The following EDRF1 variants were observed in gnomAD, a reference collection of about 807,000 sequenced individuals.
The protein encoded by EDRF1 is erythroid differentiation-related factor 1.
In EDRF1, 69 loss-of-function variants were observed where a neutral mutation model predicts 148.7. The observed-to-expected ratio is 0.46, with a 90% CI of 0.38 to 0.57. The LOEUF (loss-of-function observed/expected upper bound fraction) is 0.57, where lower values mean the gene tolerates loss of function less well. Among genes scored for constraint, EDRF1 ranks in the 20% least tolerant of loss-of-function variants. The probability of loss-of-function intolerance (pLI) is 0.00; values close to 1 mark genes in which losing one functional copy is unlikely to be tolerated. For synonymous variants in EDRF1, 515 were observed against 532.8 expected, an observed-to-expected ratio of 0.97 and a Z score of 0.46; for missense variants, 1,118 against 1,478.7, an observed-to-expected ratio of 0.76 and a Z score of 4.00.
chr10:125,723,240 A>G lies in EDRF1; in HGVS notation c.384+106A>G. On this transcript the variant is annotated intron_variant, in intron 3 of 24. Transcript: ENST00000356792. Reference sequence around the variant, plus strand: ...ATAAATGTGCAAGTCTTGAGAAATTAGTGATGAAATAAGATAAAACTTACC... The same window carrying G: ...ATAAATGTGCAAGTCTTGAGAAATTGGTGATGAAATAAGATAAAACTTACC... 38 of 1,011,152 alleles carry G rather than the reference A, an allele frequency of 3.8e-5. 1 individual carries two copies. The South Asian group carries it at 4.5e-4, about 12-fold the overall frequency. 62.6% of individuals were successfully genotyped at this position (1,011,152 alleles called of 1,614,324 possible).
rs747724490 is a variant in EDRF1 at position 125,749,510 on chromosome 10, C to T, written c.3222C>T (p.Cys1074=). 82 of 1,614,014 alleles carry T rather than the reference C, an allele frequency of 5.1e-5. No homozygotes were observed. Among genetic ancestry groups the T allele is most frequent in the East Asian group, 3.8e-4 (17 of 44,892 alleles). ...KLFQLLKDAP[C]ELLRVQLERV... is the part of the protein sequence containing the mutation. ...TTCAGCTGCTGAAAGATGCTCCCTG[C>T]GAACTGCTTAGAGTACAGCTAGAGA... is the stretch of plus-strand genomic sequence containing the variant. Residue 1074 remains cysteine, a synonymous_variant, in exon 22 of 25, where the codon TGC becomes TGT. Transcript: ENST00000356792.
Position 125,762,273 on chromosome 10 carries a change from T to C in EDRF1, c.3546-1028T>C, listed in dbSNP as rs1385787318. On this transcript the variant is annotated intron_variant, in intron 24 of 24. Transcript: ENST00000356792. Reference sequence around the variant, plus strand: ...TGAAGAGGTGAAAGAGCATAGCATTTGAAATTGGAAAACATGACATTTTGA... The same window carrying C: ...TGAAGAGGTGAAAGAGCATAGCATTCGAAATTGGAAAACATGACATTTTGA... Among the ~76,000 whole-genome samples the C allele has an allele frequency of 3.3e-5, 5 of 152,276 alleles. No individual in the cohort carries two copies. In the Middle Eastern group the frequency reaches 0.01, roughly 311 times the overall value.
intron 22 of EDRF1, chr10:125,750,316 C>G (rs1378576240): frequency 1.3e-5 from 2 of 152,216 alleles, no homozygotes; most frequent in Non-Finnish European, 2.9e-5. Flanking sequence ...CAAGATAAGT[C>G]GGGAGATAGA....
intron 19 of EDRF1, 150 bp downstream of exon 19, chr10:125,746,080 C>T (rs1234361472): frequency 4.2e-6 from 3 of 720,718 alleles, no homozygotes; most frequent in African/African-American, 1.8e-5. Context: ...CACTTGCAAC[C>T]TGGCCTAAGA....
intron 1 of EDRF1, among the ~76,000 whole-genome samples, chr10:125,720,332 A>T (rs536836310): frequency 1.3e-5 from 2 of 152,240 alleles, no homozygotes; most frequent in South Asian, 4.1e-4. Context: ...TTGCTTTGGG[A>T]GTGTGCAAGT....
In EDRF1 at chr10:125,723,152, C is replaced by A; in HGVS notation, c.384+18C>A. On this transcript the variant is annotated intron_variant, in intron 3 of 24. Coordinates refer to ENST00000356792, the MANE Select transcript of EDRF1 (RefSeq NM_001202438.2). ...ACTCTGAAGTAAGTGTTATTTGTCG[C>A]TTAATGTAATTTTGGAGGTGTTTTG... 6.2e-7 allele frequency: 1 copy of A among 1,610,476 alleles called. No individual in the cohort carries two copies.
intron 23 of EDRF1, among the ~76,000 whole-genome samples, chr10:125,753,178 T>C (rs572687583): frequency 6.6e-6 from 1 of 152,370 alleles, no homozygotes; most frequent in African/African-American, 2.4e-5. Context: ...TCTTAAGTTT[T>C]TTTGTTGCTG....
intron 24 of EDRF1, among the ~76,000 whole-genome samples, chr10:125,759,638 GA>G (rs542106170): frequency 1.7e-4 from 26 of 150,960 alleles, no homozygotes; most frequent in African/African-American, 6.3e-4. Context: ...TTAAAAAAAA[GA>G]AAAAAAATGG....
At chr10:125,725,601 T>A in intron 5 of EDRF1, 81 bp from the exon 6 acceptor site, 1 of 1,589,102 alleles carries the variant, frequency 6.3e-7, no homozygotes, top group Non-Finnish European at 8.6e-7. Flanking sequence ...AATTACAGAT[T>A]GTAGTTTTTA....
intron 9 of EDRF1, among the ~76,000 whole-genome samples, chr10:125,732,135 G>T (rs1167884147): frequency 2.6e-5 from 4 of 152,160 alleles, no homozygotes; most frequent in African/African-American, 7.2e-5. Context: ...TGTCTTTTCT[G>T]AAAGTCTGCT....
At position 125,729,018 on chromosome 10, in the gene EDRF1, G is replaced by A; in HGVS notation, c.808G>A (p.Glu270Lys). 2 of 1,581,424 alleles carry A rather than the reference G, an allele frequency of 1.3e-6. No individual in the cohort carries two copies. The highest frequency in any genetic ancestry group is 1.3e-5 in the African/African-American group (1 of 74,756). ...CTTTTCACAGGGAAGTGAGCCTCTT[G>A]AACCCTCATACATAGTGGGGCATGT... The part of the protein sequence containing the change: ...SASSQGSEPL[E>K]PSYIVGHVAS... The change falls in exon 7 of 25, where the codon GAA (glutamate) becomes AAA (lysine). Residue 270 changes from glutamate to lysine, a missense_variant. Glu to Lys is a moderately conservative substitution (Grantham distance 56). Around this residue, in one of 3 missense-constraint regions of EDRF1, gnomAD observed 954 missense variants for 1,241.4 expected, o/e 0.77. Transcript: ENST00000356792.
intron 4 of EDRF1, among the ~76,000 whole-genome samples, chr10:125,724,429 G>A (rs1262853387): frequency 6.6e-6 from 1 of 152,142 alleles, no homozygotes; most frequent in African/African-American, 2.4e-5. Flanking sequence ...TGTATTTGCA[G>A]TGTTCAGATA....
intron 3 of EDRF1, among the ~76,000 whole-genome samples, chr10:125,723,454 C>G (rs1293775795): frequency 6.6e-6 from 1 of 152,162 alleles, no homozygotes; most frequent in Non-Finnish European, 1.5e-5. Context: ...AGTTGAGTTA[C>G]AAATGATATT....
intron 17 of EDRF1, chr10:125,742,368 G>A: frequency 8.3e-7 from 1 of 1,203,264 alleles, no homozygotes; most frequent in Non-Finnish European, 1.1e-6. Flanking sequence ...TGTCTCATGG[G>A]GTTGTTTTAT....
At chr10:125,753,337 G>A (rs1325752193) in intron 23 of EDRF1, among the ~76,000 whole-genome samples, 3 of 152,094 alleles carry the variant, frequency 2.0e-5, no homozygotes, top group Non-Finnish European at 2.9e-5. Context: ...TGGGCATTCC[G>A]GCATTCATTT....
chr10:125,723,272 TTGAG>T, intron 3 of EDRF1, 138 bp downstream of exon 3: 8 of 795,756 alleles, frequency 1.0e-5, no homozygotes, highest in South Asian at 4.2e-5. Context: ...TACCTGATTA[TTGAG>T]TATCTTTTTT....
chr10:125,733,962 T>C, intron 11 of EDRF1, 110 bp from the exon 12 acceptor site: 1 of 989,110 alleles, frequency 1.0e-6, no homozygotes, highest in Non-Finnish European at 1.6e-6. Flanking sequence ...GTTTAGTATT[T>C]TGTTGTTTCT....
chr10:125,743,322 A>G lies in EDRF1; in HGVS notation c.2590+46A>G, dbSNP rs758180794. 8.5e-6 allele frequency: 13 copies of G among 1,529,872 alleles called. 1 individual carries two copies. The South Asian group carries it at 1.2e-4, about 15-fold the overall frequency. The allele number at this position is 1,529,872 out of a possible 1,614,324, so 94.8% of individuals were successfully genotyped here. On this transcript the variant is annotated intron_variant, in intron 18 of 24. Coordinates refer to ENST00000356792, the MANE Select transcript of EDRF1 (RefSeq NM_001202438.2). ...CTCTCTATTGCTTGTTCTCTCAGAA[A>G]ATTATGCTAATTTTGTATGAGTCAA... is the stretch of plus-strand genomic sequence containing the variant.
chr10:125,735,926 T>G lies in EDRF1; in HGVS notation c.1758+22T>G, dbSNP rs749251506. The stretch of plus-strand genomic sequence containing the variant: ...CAGAGTAAGCCTTTAGAATTTATAT[T>G]AAATTTTTATCAAGGAAACATAATT... On this transcript the variant is annotated intron_variant, in intron 13 of 24. Transcript: ENST00000356792. The G allele has an allele frequency of 4.4e-6, 7 of 1,573,546 alleles. No homozygotes were observed. The South Asian group carries it at 6.8e-5, about 15-fold the overall frequency.
Sources: gnomAD v4.1 joint callset for allele counts (sites outside exome capture counted in the v4.1 genomes callset) on GRCh38, gnomAD v4.1.1 for gene constraint, gnomAD v4.1.1 regional missense constraint, MANE v1.5 for transcripts, NCBI Gene and HGNC (gene_info 2026-07-23, HGNC 2026-07-21) for gene names.